RAB11FIP3: variants seen among roughly 807,000 people sequenced by gnomAD.
The protein encoded by RAB11FIP3 is RAB11 family interacting protein 3.
Under a neutral mutation model 77.8 loss-of-function variants are expected in RAB11FIP3, and 17 were observed. That is an observed-to-expected ratio of 0.22 (90% CI 0.15 to 0.33). The LOEUF (loss-of-function observed/expected upper bound fraction) is 0.33. Among genes scored for constraint, RAB11FIP3 ranks in the 10% least tolerant of loss-of-function variants. The pLI, the probability that RAB11FIP3 is intolerant of heterozygous loss-of-function variation, is 1.00. For synonymous variants in RAB11FIP3, 437 were observed against 448.2 expected (o/e 0.98, Z 0.31); for missense variants, 1,005 against 1,011.2 (o/e 0.99, Z 0.08).
chr16:427,526 C>T (rs2054969198), intron 1 of RAB11FIP3, among the ~76,000 whole-genome samples: 1 of 152,226 alleles, frequency 6.6e-6, no homozygotes, highest in Admixed American at 6.5e-5. Context: ...TTCCTGTCTA[C>T]CTCAGCACTT....
chr16:430,180 T>C (rs2055014189), intron 1 of RAB11FIP3, among the ~76,000 whole-genome samples: 1 of 152,168 alleles, frequency 6.6e-6, no homozygotes, highest in South Asian at 2.1e-4. Flanking sequence ...CAACCATCTC[T>C]GGAGATTGAC....
intron 5 of RAB11FIP3, chr16:491,277 C>A (rs1332362609): frequency 1.5e-6 from 2 of 1,303,628 alleles, no homozygotes; most frequent in East Asian, 1.1e-4. Flanking sequence ...AGGTAACTGA[C>A]CAGCGCCTGG....
At chr16:492,066 T>A (rs2030257430) in intron 5 of RAB11FIP3, among the ~76,000 whole-genome samples, 1 of 152,218 alleles carries the variant, frequency 6.6e-6, no homozygotes, top group African/African-American at 2.4e-5. Context: ...TGAAACTGCT[T>A]ACCTGTCTTG....
In RAB11FIP3 at chr16:505,524, G is replaced by T; in HGVS notation, c.1396G>T (p.Val466Phe). Residue 466 changes from valine (V) to phenylalanine (F), a missense_variant and splice_region_variant, in exon 8 of 14, where the codon GTT becomes TTT. Physicochemically the swap from Val to Phe is conservative, Grantham distance 50. Transcript: ENST00000262305. The surrounding 1 kb of genome is among the most constrained non-coding windows in gnomAD (Gnocchi z 4.0). ...CCTGAAGCCTGGTCTCATTGCCAAG[G>T]TTGTCTTCCTGGAAAGGCGTGTGCT... ...EGPEEDIADK[V>F]VFLERRVLEL... 1.2e-6 allele frequency: 2 copies of T among 1,607,720 alleles called. No homozygotes were observed. The highest frequency in any genetic ancestry group is 1.7e-6 in the Non-Finnish European group (2 of 1,178,790).
At chr16:489,462 G>A (rs2029972833) in intron 5 of RAB11FIP3, among the ~76,000 whole-genome samples, 2 of 152,174 alleles carry the variant, frequency 1.3e-5, no homozygotes, top group South Asian at 4.1e-4. Flanking sequence ...ACTCACAAAT[G>A]TCCAGAGTCA....
At position 443,571 on chromosome 16, in the gene RAB11FIP3, G is replaced by T. The variant is rs114511205; in HGVS notation, c.714+16851G>T. ...CTGCAGCATGATCTTTGGTGGTGGTGGTTGTTGTTGTTGAGAGGGAGTCTC... is the reference window on the plus strand; with the variant it reads ...CTGCAGCATGATCTTTGGTGGTGGTTGTTGTTGTTGTTGAGAGGGAGTCTC... On this transcript the variant is annotated intron_variant, in intron 1 of 13. Coordinates refer to ENST00000262305, the MANE Select transcript of RAB11FIP3 (RefSeq NM_014700.4). 8.1e-3 allele frequency among the ~76,000 whole-genome samples: 1,239 copies of T among 152,218 alleles called. 17 individuals carry two copies. Among genetic ancestry groups the T allele is most frequent in the African/African-American group, 0.028 (1,177 of 41,534 alleles).
intron 9 of RAB11FIP3, among the ~76,000 whole-genome samples, chr16:511,426 C>T (rs56307614): frequency 7.7e-6 from 1 of 129,708 alleles, no homozygotes; most frequent in African/African-American, 3.0e-5. Context: ...ACCTGCAGGC[C>T]AGGTAGGAGA....
rs34127149 is a variant in RAB11FIP3 at position 477,085 on chromosome 16, CAAA to C, written c.904-5423_904-5421del. The stretch of plus-strand genomic sequence containing the variant: ...TGGGTGACAGAGCAAGACTCCGTCT[CAAA>C]AAAAAAAAAAAAAAAATTAGTCAGG... On this transcript the variant is annotated intron_variant, in intron 3 of 13. Transcript: ENST00000262305. Among the ~76,000 whole-genome samples, 455 of 122,660 alleles carry C rather than the reference CAAA, an allele frequency of 3.7e-3. 3 individuals are homozygous for C. The highest frequency in any genetic ancestry group is 9.9e-3 in the African/African-American group (302 of 30,508). The allele number at this position is 122,660 out of a possible 152,430, so 80.5% of individuals were successfully genotyped here. A position where few individuals can be genotyped will look rare whatever the true frequency, so the allele number is the denominator to read the frequency against.
intron 4 of RAB11FIP3, 142 bp from the exon 5 acceptor site, chr16:488,709 C>T (rs2029901564): frequency 1.5e-6 from 1 of 668,882 alleles, no homozygotes; most frequent in Non-Finnish European, 2.2e-6. Flanking sequence ...GCATCCAGCC[C>T]ACTTTTTTTT....
chr16:490,702 G>A (rs1033104493), intron 5 of RAB11FIP3, among the ~76,000 whole-genome samples: 1 of 152,196 alleles, frequency 6.6e-6, no homozygotes, highest in Non-Finnish European at 1.5e-5. Flanking sequence ...GTGGTTTTTG[G>A]AGTAATCATA....
chr16:470,654 C>T (rs1016196968), intron 2 of RAB11FIP3, among the ~76,000 whole-genome samples: 1 of 152,166 alleles, frequency 6.6e-6, no homozygotes, highest in African/African-American at 2.4e-5. Context: ...CCTTTTCCTA[C>T]AGGAGGAGAG....
Position 474,737 on chromosome 16 carries a change from A to G in RAB11FIP3, c.903+3348A>G. 4.1e-6 allele frequency: 5 copies of G among 1,204,852 alleles called. No individual in the cohort carries two copies. The South Asian group carries it at 9.2e-5, about 22-fold the overall frequency. The allele number at this position is 1,204,852 out of a possible 1,614,324, so 74.6% of individuals were successfully genotyped here. On this transcript the variant is annotated intron_variant, in intron 3 of 13. Coordinates refer to ENST00000262305, the MANE Select transcript of RAB11FIP3 (RefSeq NM_014700.4). ...CAAACCATTATCAGCTTAGGAAGCCAAAAACAAAAGCCACTCTGTTTTCAG... is the reference window on the plus strand; with the variant it reads ...CAAACCATTATCAGCTTAGGAAGCCGAAAACAAAAGCCACTCTGTTTTCAG...
rs1350034126 is a variant in RAB11FIP3, at chr16:519,774, T to A, written c.1743T>A (p.Asp581Glu). Residue 581 changes from aspartate (D) to glutamate (E), a missense_variant, in exon 11 of 14, where the codon GAT becomes GAA. Asp to Glu is a conservative substitution (Grantham distance 45). This residue lies in a region of RAB11FIP3 where 433 missense variants were observed against 436.1 expected (regional missense o/e 0.99). Transcript: ENST00000262305. The stretch of plus-strand genomic sequence containing the variant: ...TGCAGGAGAAGCAGAAGCTGTTGGA[T>A]GAGATAGAGTCGCTGACGCTGCGGC... ...RLEEEKQKLL[D>E]EIESLTLRLS... The A allele has an allele frequency of 1.2e-6, 2 of 1,609,038 alleles. No homozygotes were observed. Among genetic ancestry groups the A allele is most frequent in the Non-Finnish European group, 8.5e-7 (1 of 1,177,076 alleles).
At chr16:511,686 C>T (rs2032177849) in intron 9 of RAB11FIP3, among the ~76,000 whole-genome samples, 1 of 119,110 alleles carries the variant, frequency 8.4e-6, no homozygotes, top group African/African-American at 3.6e-5. Context: ...GGAGAGGTTC[C>T]CGACAGCCCG....
intron 12 of RAB11FIP3, 65 bp from the exon 13 acceptor site, chr16:520,394 G>A: frequency 1.9e-6 from 3 of 1,601,932 alleles, no homozygotes; most frequent in Non-Finnish European, 1.7e-6. Context: ...TCCCCGGGCA[G>A]TCCTTGTCCC....
intron 1 of RAB11FIP3, among the ~76,000 whole-genome samples, chr16:443,068 A>G (rs148246355): frequency 5.3e-4 from 81 of 152,276 alleles, no homozygotes; most frequent in African/African-American, 1.9e-3. Flanking sequence ...CCATGAAGAC[A>G]TTTCCTCTTG....
intron 5 of RAB11FIP3, among the ~76,000 whole-genome samples, chr16:492,360 T>TCCCGGGAGACCCGAGGCCGTCCAGAGC: frequency 1.6e-4 from 4 of 25,628 alleles, no homozygotes; most frequent in African/African-American, 8.8e-4. Flanking sequence ...TTGAAGAGGG[T>TCCCGGGAGACCCGAGGCCGTCCAGAGC]CTTCCCGGGA....
Position 450,196 on chromosome 16 carries a change from G to T in RAB11FIP3, c.715-11208G>T, listed in dbSNP as rs371959219. On this transcript the variant is annotated intron_variant, in intron 1 of 13. Transcript: ENST00000262305. The stretch of plus-strand genomic sequence containing the variant: ...CTTTTTTTCTCTTTCTTGAGACAGG[G>T]TCTCACTCTGTCGCCCAGGCTGGAG... 1.5e-4 allele frequency among the ~76,000 whole-genome samples: 23 copies of T among 152,044 alleles called. 1 individual carries two copies. The highest frequency in any genetic ancestry group is 5.5e-4 in the African/African-American group (23 of 41,492).
At chr16:484,130 T>A (rs1006948769) in intron 4 of RAB11FIP3, among the ~76,000 whole-genome samples, 2 of 152,180 alleles carry the variant, frequency 1.3e-5, no homozygotes, top group African/African-American at 4.8e-5. Flanking sequence ...TACCCACAAG[T>A]AAGTGCCCAT....
Sources: allele counts gnomAD v4.1 joint callset (sites outside exome capture counted in the v4.1 genomes callset), GRCh38; gene constraint gnomAD v4.1.1; regional missense constraint gnomAD v4.1.1; non-coding constraint Gnocchi (gnomAD v3.1); transcripts MANE v1.5; gene names NCBI Gene and HGNC (gene_info 2026-07-23, HGNC 2026-07-21).